The following ZSWIM5 variants were observed in gnomAD, a reference collection of about 807,000 sequenced individuals.
ZSWIM5 encodes zinc finger SWIM domain-containing protein 5.
Under a neutral mutation model 119.6 loss-of-function variants are expected in ZSWIM5, and 55 were observed. That is an observed-to-expected ratio of 0.46 (90% confidence interval 0.37 to 0.58). The LOEUF is 0.58. Ranked by LOEUF, ZSWIM5 falls within the 20% of genes least tolerant of loss-of-function variation. The pLI is 0.00. For missense variants in ZSWIM5, 1,193 were observed against 1,512.8 expected, an observed-to-expected ratio of 0.79 and a Z score of 3.51; for synonymous variants, 537 against 606.9, an observed-to-expected ratio of 0.88 and a Z score of 1.69.
At chr1:45,097,797 G>A (rs746226444) in intron 1 of ZSWIM5, among the ~76,000 whole-genome samples, 13 of 151,986 alleles carry the variant, frequency 8.6e-5, no homozygotes, top group African/African-American at 2.9e-4. Flanking sequence ...TGCCTCCCAG[G>A]TTCAAGCAAT....
chr1:45,137,612 T>A (rs1323907006), intron 1 of ZSWIM5, among the ~76,000 whole-genome samples: 1 of 151,858 alleles, frequency 6.6e-6, no homozygotes, highest in African/African-American at 2.4e-5. Context: ...AATATCTGAG[T>A]CAAAAACTTT....
At chr1:45,186,449 A>G (rs564689515) in intron 1 of ZSWIM5, among the ~76,000 whole-genome samples, 11 of 144,568 alleles carry the variant, frequency 7.6e-5, no homozygotes, top group Admixed American at 2.1e-4. Context: ...GAACCTCAGG[A>G]AAAAAAAAAA....
At chr1:45,129,806 A>G (rs4660837) in intron 1 of ZSWIM5, among the ~76,000 whole-genome samples, 11,015 of 152,332 alleles carry the variant, frequency 0.072, 491 homozygotes, top group Non-Finnish European at 0.1. Flanking sequence ...TTAAATGTAA[A>G]GTTATAAAAG....
Position 45,206,303 on chromosome 1 carries a change from G to T in ZSWIM5, c.48C>A (p.Val16=). 2 of 1,551,190 alleles carry T rather than the reference G, an allele frequency of 1.3e-6. No homozygotes were observed. Among genetic ancestry groups the T allele is most frequent in the Non-Finnish European group, 1.7e-6 (2 of 1,149,226 alleles). The change falls in exon 1 of 14, where the codon GTC becomes GTA. Residue 16 remains valine, a synonymous_variant. Transcript: ENST00000359600. The part of the protein sequence containing the change: ...EREELLSPSP[V]SPAKRQCSWP... ...ACGAACACTGCCGCTTAGCCGGAGAGACCGGTGACGGCGAGAGCAGCTCCT... is the reference window on the plus strand; with the variant it reads ...ACGAACACTGCCGCTTAGCCGGAGATACCGGTGACGGCGAGAGCAGCTCCT...
In ZSWIM5 at chr1:45,206,483, G is replaced by A; in HGVS notation, c.-133C>T. 1 of 1,173,544 alleles carries A rather than the reference G, an allele frequency of 8.5e-7. No homozygotes were observed. Among genetic ancestry groups the A allele is most frequent in the Non-Finnish European group, 1.1e-6 (1 of 951,316 alleles). 72.7% of individuals were successfully genotyped at this position (1,173,544 alleles called of 1,614,324 possible). A position where few individuals can be genotyped will look rare whatever the true frequency, so the allele number is the denominator to read the frequency against. On this transcript the variant is annotated 5_prime_UTR_variant, in exon 1 of 14. Coordinates refer to ENST00000359600, the MANE Select transcript of ZSWIM5 (RefSeq NM_020883.2). ...GGGGGCGGGGCGAGAGAACCCGCGA[G>A]CCAGCCGGCCCGAGTGGGGAACCGC... is the stretch of plus-strand genomic sequence containing the variant.
At chr1:45,048,897 G>A (rs1557748197) in intron 5 of ZSWIM5, among the ~76,000 whole-genome samples, 2 of 152,168 alleles carry the variant, frequency 1.3e-5, no homozygotes. Flanking sequence ...AAGGCAGGAG[G>A]ATTGCTTCAG....
chr1:45,089,052 T>C (rs1007303726), intron 1 of ZSWIM5, among the ~76,000 whole-genome samples: 1 of 152,182 alleles, frequency 6.6e-6, no homozygotes, highest in African/African-American at 2.4e-5. Flanking sequence ...CTCTGTCTCC[T>C]GGGCTCAAGT....
intron 1 of ZSWIM5, among the ~76,000 whole-genome samples, chr1:45,102,474 C>G (rs780642604): frequency 7.2e-5 from 11 of 152,142 alleles, no homozygotes; most frequent in Non-Finnish European, 1.3e-4. Context: ...TCAGTCATAT[C>G]TCCATTATAG....
intron 1 of ZSWIM5, among the ~76,000 whole-genome samples, chr1:45,162,441 C>A (rs930834000): frequency 6.6e-6 from 1 of 152,234 alleles, no homozygotes; most frequent in African/African-American, 2.4e-5. Flanking sequence ...GCATTTCCAA[C>A]TGAGGTACCG....
chr1:45,034,559 C>A, intron 10 of ZSWIM5, 90 bp from the exon 11 acceptor site: 1 of 1,446,942 alleles, frequency 6.9e-7, no homozygotes, highest in South Asian at 1.4e-5. Flanking sequence ...TGGGGAGGAA[C>A]TGGGGAGAGG....
intron 1 of ZSWIM5, among the ~76,000 whole-genome samples, chr1:45,119,444 T>C (rs1018041016): frequency 2.0e-5 from 3 of 152,200 alleles, no homozygotes; most frequent in African/African-American, 7.2e-5. Context: ...TTTCTGAGCA[T>C]TAAAATTCAA....
At chr1:45,069,906 A>T in intron 2 of ZSWIM5, 1 of 524,724 alleles carries the variant, frequency 1.9e-6, no homozygotes. Flanking sequence ...ATATTAGAGG[A>T]CTGGTACAGC....
intron 1 of ZSWIM5, among the ~76,000 whole-genome samples, chr1:45,195,891 C>A: frequency 6.8e-6 from 1 of 147,404 alleles, no homozygotes; most frequent in Admixed American, 6.8e-5. Flanking sequence ...TTTTTTTAGA[C>A]AGGTCTCGCT....
chr1:45,098,373 A>T (rs1645417317), intron 1 of ZSWIM5, among the ~76,000 whole-genome samples: 1 of 152,166 alleles, frequency 6.6e-6, no homozygotes, highest in Admixed American at 6.6e-5. Flanking sequence ...CTCCCCTAAC[A>T]CCACCTCAAT....
chr1:45,142,166 ACAC>A (rs1358793687), intron 1 of ZSWIM5, among the ~76,000 whole-genome samples: 1 of 151,672 alleles, frequency 6.6e-6, no homozygotes, highest in Non-Finnish European at 1.5e-5. Context: ...AGCCGAGATC[ACAC>A]CACTGCACTC....
intron 2 of ZSWIM5, among the ~76,000 whole-genome samples, chr1:45,061,917 C>A (rs1479022730): frequency 6.6e-6 from 1 of 151,828 alleles, no homozygotes; most frequent in Non-Finnish European, 1.5e-5. Context: ...ATGGCGAAAC[C>A]CTCCTCTACC....
chr1:45,111,082 T>C (rs915555452), intron 1 of ZSWIM5, among the ~76,000 whole-genome samples: 1 of 152,072 alleles, frequency 6.6e-6, no homozygotes. Context: ...GAAGTAAATG[T>C]TATAGCAAAA....
chr1:45,098,938 A>G (rs1645420416), intron 1 of ZSWIM5, among the ~76,000 whole-genome samples: 1 of 152,238 alleles, frequency 6.6e-6, no homozygotes, highest in Non-Finnish European at 1.5e-5. Flanking sequence ...TGCCCACAAG[A>G]GAAAGCGGTG....
At chr1:45,022,424 C>A (rs1644893544) in intron 11 of ZSWIM5, among the ~76,000 whole-genome samples, 1 of 152,138 alleles carries the variant, frequency 6.6e-6, no homozygotes, top group Admixed American at 6.5e-5. Flanking sequence ...GCCACCGCAC[C>A]TGACCTCTAT....
Sources: gnomAD v4.1 joint callset for allele counts (sites outside exome capture counted in the v4.1 genomes callset) on GRCh38, gnomAD v4.1.1 for gene constraint, MANE v1.5 for transcripts, NCBI Gene and HGNC (gene_info 2026-07-23, HGNC 2026-07-21) for gene names.